The following PTPRF variants were observed in gnomAD, a reference collection of about 807,000 sequenced individuals.
PTPRF encodes receptor-type tyrosine-protein phosphatase F.
PTPRF carries 59 observed loss-of-function variants against 201.8 expected under a neutral mutation model. The observed-to-expected ratio is 0.29, with a 90% CI of 0.24 to 0.36. PTPRF has a LOEUF of 0.36. Ranked by LOEUF, PTPRF falls within the 10% of genes least tolerant of loss-of-function variation. PTPRF has a pLI of 1.00. For synonymous variants in PTPRF, 1,088 were observed against 1,089.7 expected, an observed-to-expected ratio of 1.00 and a Z score of 0.03; for missense variants, 2,132 against 2,690.5, an observed-to-expected ratio of 0.79 and a Z score of 4.59.
intron 5 of PTPRF, among the ~76,000 whole-genome samples, chr1:43,565,517 TGGAGACTCG>T (rs1646100853): frequency 6.6e-6 from 1 of 152,364 alleles, no homozygotes; most frequent in Admixed American, 6.5e-5. Context: ...GCAAACGGTG[TGGAGACTCG>T]GGCTCTTGGG....
In PTPRF at chr1:43,622,244, C is replaced by T. The variant is rs1239967247; in HGVS notation, c.*241C>T. On this transcript the variant is annotated 3_prime_UTR_variant, in exon 34 of 34. Coordinates refer to ENST00000359947, the MANE Select transcript of PTPRF (RefSeq NM_002840.5). ...GTGGCCCTTCTGTCCACCAGACCCACCTGGAGCCCGCTTCAAGCTCTCTGT... is the reference window on the plus strand; with the variant it reads ...GTGGCCCTTCTGTCCACCAGACCCATCTGGAGCCCGCTTCAAGCTCTCTGT... The T allele has an allele frequency of 1.9e-6, 1 of 537,242 alleles. No individual in the cohort carries two copies. The highest frequency in any genetic ancestry group is 3.3e-6 in the Non-Finnish European group (1 of 300,724). The allele number at this position is 537,242 out of a possible 1,614,324, so 33.3% of individuals were successfully genotyped here.
chr1:43,617,330 G>A, intron 23 of PTPRF, 115 bp from the exon 24 acceptor site: 1 of 1,451,994 alleles, frequency 6.9e-7, no homozygotes, highest in Admixed American at 1.8e-5. Flanking sequence ...CCTGGCTGTG[G>A]CCTGTGGAGT....
rs1644412113 is a variant in PTPRF, at chr1:43,542,370, G to A, written c.-45-2661G>A. On this transcript the variant is annotated intron_variant, in intron 2 of 33. Coordinates refer to ENST00000359947, the MANE Select transcript of PTPRF (RefSeq NM_002840.5). The surrounding 1 kb of genome is among the most constrained non-coding windows in gnomAD (Gnocchi z 5.2). Reference sequence around the variant, plus strand: ...CCCTTGTGTTTCCCCATCTCCCTGGGCATCTGTGTCCTTGTGTCCATCATG... The same window carrying A: ...CCCTTGTGTTTCCCCATCTCCCTGGACATCTGTGTCCTTGTGTCCATCATG... 6.6e-6 allele frequency among the ~76,000 whole-genome samples: 1 copy of A among 152,126 alleles called. No homozygotes were observed. Among genetic ancestry groups the A allele is most frequent in the Admixed American group, 6.5e-5 (1 of 15,280 alleles).
chr1:43,539,491 G>A (rs74071950), intron 2 of PTPRF, among the ~76,000 whole-genome samples: 2,242 of 152,296 alleles, frequency 0.015, 62 homozygotes, highest in African/African-American at 0.051. Context: ...ACATCTGGAC[G>A]GGTGGCTGAA....
At chr1:43,530,806 C>CCGGGGGCGCGCACGGCAGGGG (rs982410417), upstream of PTPRF, 25 of 152,452 alleles carry the variant, frequency 1.6e-4, no homozygotes, top group African/African-American at 4.6e-4. The surrounding 1 kb of genome is among the most constrained non-coding windows in gnomAD (Gnocchi z 4.1). Context: ...AGGGGCGCCG[C>CCGGGGGCGCGCACGGCAGGGG]CGGGGGCGCG....
intron 30 of PTPRF, 59 bp downstream of exon 30, chr1:43,620,280 TG>T (rs1557879204): frequency 4.4e-6 from 7 of 1,600,100 alleles, no homozygotes; most frequent in Non-Finnish European, 5.1e-6. Flanking sequence ...CAGCCACCCT[TG>T]GGGGAGCTGC....
chr1:43,591,174 A>C lies in PTPRF; in HGVS notation c.1152A>C (p.Glu384Asp). The C allele has an allele frequency of 6.2e-7, 1 of 1,612,490 alleles. No homozygotes were observed. The highest frequency in any genetic ancestry group is 1.3e-5 in the African/African-American group (1 of 75,072). The change falls in exon 9 of 34, where the codon GAA becomes GAC. Residue 384 changes from glutamate (E) to aspartate (D), a missense_variant. Physicochemically the swap from Glu to Asp is conservative, Grantham distance 45 (BLOSUM62 2). Around this residue, in one of 6 missense-constraint regions of PTPRF, gnomAD observed 351 missense variants for 401.7 expected, o/e 0.87. Coordinates refer to ENST00000359947, the MANE Select transcript of PTPRF (RefSeq NM_002840.5). ...TTGGCGGCCTCAGCCCTTTCTCGGA[A>C]TATGCCTTCCGCGTGCTGGCGGTGA... is the stretch of plus-strand genomic sequence containing the variant. ...YSIGGLSPFS[E>D]YAFRVLAVNS...
At chr1:43,556,094 G>A (rs1318468180) in intron 5 of PTPRF, among the ~76,000 whole-genome samples, 1 of 152,116 alleles carries the variant, frequency 6.6e-6, no homozygotes, top group Non-Finnish European at 1.5e-5. Flanking sequence ...TTTTTGCCAA[G>A]TTAATAGGCA....
intron 33 of PTPRF, 46 bp from the exon 34 acceptor site, chr1:43,621,889 G>T: frequency 3.2e-6 from 5 of 1,573,606 alleles, no homozygotes; most frequent in South Asian, 1.1e-5. Context: ...TGTAGTGGGG[G>T]TGTCCACTGG....
intron 8 of PTPRF, among the ~76,000 whole-genome samples, chr1:43,589,760 G>C (rs1650158563): frequency 6.6e-6 from 1 of 151,222 alleles, no homozygotes; most frequent in South Asian, 2.1e-4. Context: ...ACTTGGGAGG[G>C]CTGAGACAGG....
rs1392922009 is a variant in PTPRF at position 43,588,865 on chromosome 1, C to T, written c.814C>T (p.Leu272Phe). The change falls in exon 8 of 34, where the codon CTC (leucine) becomes TTC (phenylalanine). Residue 272 changes from leucine to phenylalanine, a missense_variant. Around this residue, in one of 6 missense-constraint regions of PTPRF, gnomAD observed 297 missense variants for 454.0 expected, o/e 0.65. Coordinates refer to ENST00000359947, the MANE Select transcript of PTPRF (RefSeq NM_002840.5). The surrounding 1 kb of genome is among the most constrained non-coding windows in gnomAD (Gnocchi z 5.3). ...GAAGTGGATGATGGGGGCCGAGGAG[C>T]TCACCAAGGAGGATGAGATGCCAGT... ...YVKWMMGAEELTKEDEMPVGR... is the reference protein window; with the variant it reads ...YVKWMMGAEEFTKEDEMPVGR... 1 of 1,614,004 alleles carries T rather than the reference C, an allele frequency of 6.2e-7. No homozygotes were observed. Among genetic ancestry groups the T allele is most frequent in the Admixed American group, 1.7e-5 (1 of 60,000 alleles).
intron 21 of PTPRF, 53 bp from the exon 22 acceptor site, chr1:43,609,330 A>G: frequency 6.8e-7 from 1 of 1,464,882 alleles, no homozygotes; most frequent in Non-Finnish European, 9.5e-7. Flanking sequence ...GCCATGTGTC[A>G]CTGTCTCAGC....
intron 5 of PTPRF, among the ~76,000 whole-genome samples, chr1:43,563,956 TGGGGTGCCA>T (rs1040994251): frequency 3.3e-5 from 5 of 151,864 alleles, no homozygotes; most frequent in Non-Finnish European, 2.9e-5. Flanking sequence ...TAGGGCGATG[TGGGGTGCCA>T]GGGAAACCCG....
upstream of PTPRF, among the ~76,000 whole-genome samples, chr1:43,522,198 G>A (rs1642974336): frequency 6.6e-6 from 1 of 152,148 alleles, no homozygotes. Context: ...GTCTTCTTCT[G>A]GGAAACCTGA....
chr1:43,581,420 A>G (rs938893538), intron 7 of PTPRF, among the ~76,000 whole-genome samples: 6 of 152,304 alleles, frequency 3.9e-5, no homozygotes, highest in African/African-American at 1.4e-4. Context: ...CTCTGTCCCC[A>G]GGACCTGCCT....
At chr1:43,582,939 C>T (rs1648109530) in intron 7 of PTPRF, 1 of 375,552 alleles carries the variant, frequency 2.7e-6, no homozygotes. Flanking sequence ...CGAGGGGGCA[C>T]AGGAGTCTCG....
At chr1:43,528,642 T>C (rs1465300888), upstream of PTPRF, 1 of 152,280 alleles carries the variant, frequency 6.6e-6, no homozygotes, top group African/African-American at 2.4e-5. Context: ...AGTCTCTGTT[T>C]TTCAAAATTT....
chr1:43,620,775 A>C, intron 31 of PTPRF, 63 bp from the exon 32 acceptor site: 1 of 1,571,154 alleles, frequency 6.4e-7, no homozygotes, highest in Non-Finnish European at 8.7e-7. Flanking sequence ...ACCCTGGTCT[A>C]GTCCAGAGGG....
Position 43,606,303 on chromosome 1 carries a change from C to G in PTPRF, c.3547C>G (p.Leu1183Val), listed in dbSNP as rs530770514. The change falls in exon 20 of 34, where the codon CTG (leucine) becomes GTG (valine). Residue 1183 changes from leucine (L) to valine (V), a missense_variant. Leu to Val is a conservative substitution (Grantham distance 32). This residue lies in a region of PTPRF where 818 missense variants were observed against 915.3 expected (regional missense o/e 0.89). Coordinates refer to ENST00000359947, the MANE Select transcript of PTPRF (RefSeq NM_002840.5). ...GCGGCGGCGGCGGCAGGCAGAACGTCTGAAGCCATATGTGGCTGCTCAACT... is the reference window on the plus strand; with the variant it reads ...GCGGCGGCGGCGGCAGGCAGAACGTGTGAAGCCATATGTGGCTGCTCAACT... ...QRRRRRQAER[L>V]KPYVAAQLDV... The G allele has an allele frequency of 6.2e-7, 1 of 1,614,094 alleles. No individual in the cohort carries two copies. Among genetic ancestry groups the G allele is most frequent in the South Asian group, 1.1e-5 (1 of 91,086 alleles).
Sources: allele counts gnomAD v4.1 joint callset (sites outside exome capture counted in the v4.1 genomes callset), GRCh38; gene constraint gnomAD v4.1.1; regional missense constraint gnomAD v4.1.1; non-coding constraint Gnocchi (gnomAD v3.1); transcripts MANE v1.5; gene names NCBI Gene and HGNC (gene_info 2026-07-23, HGNC 2026-07-21).